HPSE2: variants seen among roughly 807,000 people sequenced by gnomAD.
HPSE2 encodes the protein inactive heparanase-2.
A neutral mutation model predicts 60.5 loss-of-function variants in HPSE2; 38 were observed. The observed-to-expected ratio is 0.63, with a 90% confidence interval of 0.48 to 0.82. The LOEUF (loss-of-function observed/expected upper bound fraction) is 0.82. Ranked by LOEUF, HPSE2 falls within the 40% of genes least tolerant of loss-of-function variation. The probability of loss-of-function intolerance (pLI) is 0.00; values close to 1 mark genes in which losing one functional copy is unlikely to be tolerated. For missense variants in HPSE2, 713 were observed against 740.4 expected (o/e 0.96, Z 0.43); for synonymous variants, 295 against 293.2 (o/e 1.01, Z -0.06).
chr10:99,227,658 T>TCA (rs1353122776), intron 2 of HPSE2, among the ~76,000 whole-genome samples: 6 of 151,860 alleles, frequency 4.0e-5, no homozygotes, highest in Admixed American at 3.9e-4. Context: ...CCAGGGCCTT[T>TCA]CACAGTGCTT....
chr10:98,566,154 C>G (rs561291298), intron 9 of HPSE2, among the ~76,000 whole-genome samples: 6 of 152,168 alleles, frequency 3.9e-5, no homozygotes, highest in African/African-American at 1.4e-4. Flanking sequence ...ATCCTCACAA[C>G]CCTGTGAGGC....
Position 98,521,355 on chromosome 10 carries a change from T to A in HPSE2, c.1321-31159A>T, listed in dbSNP as rs1942786884. On this transcript the variant is annotated intron_variant, in intron 9 of 11. Coordinates refer to ENST00000370552, the MANE Select transcript of HPSE2 (RefSeq NM_021828.5). ...AACAGACACTTCTCAGAAGAAGACA[T>A]TTATGCAGCCAACAGACACATGAAA... Among the ~76,000 whole-genome samples, 8 of 152,326 alleles carry A rather than the reference T, an allele frequency of 5.3e-5. No homozygotes were observed. The South Asian group carries it at 1.7e-3, about 32-fold the overall frequency.
chr10:98,974,780 C>G (rs2135278668), intron 3 of HPSE2, among the ~76,000 whole-genome samples: 1 of 152,122 alleles, frequency 6.6e-6, no homozygotes, highest in South Asian at 2.1e-4. Flanking sequence ...AATTGTATCA[C>G]CTTATTCCCT....
chr10:99,134,498 G>C (rs1845567280), intron 3 of HPSE2, among the ~76,000 whole-genome samples: 1 of 152,206 alleles, frequency 6.6e-6, no homozygotes, highest in African/African-American at 2.4e-5. Flanking sequence ...ACAAAGGGAA[G>C]CCCATCAGAC....
intron 3 of HPSE2, among the ~76,000 whole-genome samples, chr10:99,142,602 G>A (rs1845900947): frequency 6.6e-6 from 1 of 152,148 alleles, no homozygotes; most frequent in Non-Finnish European, 1.5e-5. Context: ...CAGGAAAGAG[G>A]CTCTTCTCTA....
At chr10:99,237,967 A>G (rs1217268489), upstream of HPSE2, among the ~76,000 whole-genome samples, 1 of 152,200 alleles carries the variant, frequency 6.6e-6, no homozygotes, top group Non-Finnish European at 1.5e-5. Flanking sequence ...CCCTCTCCAG[A>G]ACAATGTGAA....
the HPSE2 span, among the ~76,000 whole-genome samples, chr10:99,299,792 T>A: frequency 2.1e-3 from 317 of 152,126 alleles, 5 homozygotes; most frequent in Admixed American, 3.7e-3. Flanking sequence ...AGAAGAAAGA[T>A]TAAAATCCTG....
intron 2 of HPSE2, among the ~76,000 whole-genome samples, chr10:99,218,653 G>A (rs1013465864): frequency 2.0e-5 from 3 of 152,190 alleles, no homozygotes; most frequent in Non-Finnish European, 4.4e-5. Context: ...TTTCATAAAT[G>A]TAAGTTTTCT....
chr10:98,638,989 C>A (rs1269541954), intron 7 of HPSE2, among the ~76,000 whole-genome samples: 1 of 152,184 alleles, frequency 6.6e-6, no homozygotes, highest in Non-Finnish European at 1.5e-5. Flanking sequence ...GTCTTACATG[C>A]TTTTCCAGAA....
At chr10:98,830,099 T>C (rs1394821296) in intron 3 of HPSE2, among the ~76,000 whole-genome samples, 1 of 152,198 alleles carries the variant, frequency 6.6e-6, no homozygotes, top group Non-Finnish European at 1.5e-5. Context: ...CATTCATTCA[T>C]TCACTCACTC....
chr10:99,304,698 C>A, the HPSE2 span, among the ~76,000 whole-genome samples: 3 of 152,186 alleles, frequency 2.0e-5, no homozygotes, highest in African/African-American at 7.2e-5. Flanking sequence ...AGGGCATTTG[C>A]CATTTCTGAG....
chr10:98,948,567 A>G (rs765062319), intron 3 of HPSE2, among the ~76,000 whole-genome samples: 1 of 152,198 alleles, frequency 6.6e-6, no homozygotes, highest in Non-Finnish European at 1.5e-5. Flanking sequence ...ATGGGCACTG[A>G]AACTAAAGCA....
At chr10:98,974,058 A>G in intron 3 of HPSE2, among the ~76,000 whole-genome samples, 1 of 152,024 alleles carries the variant, frequency 6.6e-6, no homozygotes, top group Non-Finnish European at 1.5e-5. Flanking sequence ...TGGGAGGCTG[A>G]GGTGGGTGGA....
At chr10:98,778,575 AG>A (rs1454257414) in intron 3 of HPSE2, among the ~76,000 whole-genome samples, 2 of 152,136 alleles carry the variant, frequency 1.3e-5, no homozygotes, top group African/African-American at 4.8e-5. Flanking sequence ...AGAAACTGGG[AG>A]GAGGTGTAAA....
At chr10:98,584,031 A>G (rs1034923582) in intron 9 of HPSE2, among the ~76,000 whole-genome samples, 1 of 152,198 alleles carries the variant, frequency 6.6e-6, no homozygotes, top group Non-Finnish European at 1.5e-5. Context: ...CTAGCAATGG[A>G]AATGCTGGGG....
chr10:98,752,731 A>T (rs962730487), intron 3 of HPSE2, among the ~76,000 whole-genome samples: 8 of 152,178 alleles, frequency 5.3e-5, no homozygotes, highest in African/African-American at 1.9e-4. Context: ...CCAAAAAGAT[A>T]TCTGCACTCC....
intron 9 of HPSE2, among the ~76,000 whole-genome samples, chr10:98,578,652 A>G (rs1944705866): frequency 6.6e-6 from 1 of 152,242 alleles, no homozygotes; most frequent in Non-Finnish European, 1.5e-5. Context: ...TTATAAAATT[A>G]CTTCTTTAAC....
chr10:98,932,029 G>T (rs1954655282), intron 3 of HPSE2, among the ~76,000 whole-genome samples: 1 of 143,618 alleles, frequency 7.0e-6, no homozygotes, highest in African/African-American at 2.8e-5. Context: ...GTGAGAGAGG[G>T]CATCCTTGTC....
chr10:98,650,063 G>T (rs1443413855), intron 6 of HPSE2, among the ~76,000 whole-genome samples: 1 of 152,222 alleles, frequency 6.6e-6, no homozygotes, highest in African/African-American at 2.4e-5. Context: ...CTCTTACATG[G>T]TAGAGGCAGG....
Sources: allele counts gnomAD v4.1 joint callset (sites outside exome capture counted in the v4.1 genomes callset), GRCh38; gene constraint gnomAD v4.1.1; transcripts MANE v1.5; gene names NCBI Gene and HGNC (gene_info 2026-07-23, HGNC 2026-07-21).